The following ABLIM2 variants were observed in gnomAD, a reference collection of about 807,000 sequenced individuals.
ABLIM2 encodes actin binding LIM protein family member 2.
In ABLIM2, 53 loss-of-function variants were observed where a neutral mutation model predicts 97.7. That is an observed-to-expected ratio of 0.54 (90% CI 0.44 to 0.68). ABLIM2 has a LOEUF of 0.68. Ranked by LOEUF, ABLIM2 falls within the 30% of genes least tolerant of loss-of-function variation. The pLI, the probability that ABLIM2 is intolerant of heterozygous loss-of-function variation, is 0.00. For missense variants in ABLIM2, 835 were observed against 867.2 expected (o/e 0.96, Z 0.47); for synonymous variants, 361 against 345.8 (o/e 1.04, Z -0.49).
intron 6 of ABLIM2, among the ~76,000 whole-genome samples, chr4:8,064,001 A>G (rs918389567): frequency 3.9e-5 from 6 of 152,282 alleles, no homozygotes; most frequent in Non-Finnish European, 8.8e-5. Flanking sequence ...TTATCTAAGA[A>G]AGTTTAAATG....
In ABLIM2 at chr4:8,077,609, C is replaced by A. The variant is rs767646873; in HGVS notation, c.675+19G>T. 5 of 1,589,002 alleles carry A rather than the reference C, an allele frequency of 3.1e-6. No homozygotes were observed. In the South Asian group the frequency reaches 5.7e-5, roughly 18 times the overall value. ...GGCCCTAGCTCAGAGCGGGCAGGGG[C>A]CCGGCCCGCCGCGCTTACCTCCAGC... On this transcript the variant is annotated intron_variant, in intron 6 of 20. Coordinates refer to ENST00000447017, the MANE Select transcript of ABLIM2 (RefSeq NM_001130083.2).
intron 7 of ABLIM2, among the ~76,000 whole-genome samples, chr4:8,056,374 C>T (rs1799176623): frequency 6.8e-6 from 1 of 147,656 alleles, no homozygotes; most frequent in African/African-American, 2.5e-5. Flanking sequence ...AAATATAGCT[C>T]ACTGCAGCCC....
intron 1 of ABLIM2, among the ~76,000 whole-genome samples, chr4:8,157,605 C>T (rs1298489123): frequency 1.3e-5 from 2 of 152,246 alleles, no homozygotes; most frequent in Non-Finnish European, 2.9e-5. Flanking sequence ...TCTAGGCCTA[C>T]AGCCCACAGG....
In ABLIM2 at chr4:8,125,318, GTTC is replaced by G. The variant is rs1272917636; in HGVS notation, c.11-18684_11-18682del. On this transcript the variant is annotated intron_variant, in intron 1 of 20. Coordinates refer to ENST00000447017, the MANE Select transcript of ABLIM2 (RefSeq NM_001130083.2). The surrounding 1 kb of genome is among the most constrained non-coding windows in gnomAD (Gnocchi z 6.2). Reference sequence around the variant, plus strand: ...CCGTCATGAAGATGCGCTTCTGAGTGTTCTTCTAAGAGATTTACGGGTTTTTTG... The same window carrying G: ...CCGTCATGAAGATGCGCTTCTGAGTGTTCTAAGAGATTTACGGGTTTTTTG... Among the ~76,000 whole-genome samples, 4 of 152,184 alleles carry G rather than the reference GTTC, an allele frequency of 2.6e-5. No homozygotes were observed. Among genetic ancestry groups the G allele is most frequent in the South Asian group, 2.1e-4 (1 of 4,830 alleles).
intron 10 of ABLIM2, among the ~76,000 whole-genome samples, chr4:8,034,299 A>T (rs1378117111): frequency 7.1e-6 from 1 of 141,642 alleles, no homozygotes; most frequent in African/African-American, 2.7e-5. Context: ...AGATGGGTGT[A>T]GGTAGGTACA....
rs754503414 is a variant in ABLIM2, at chr4:7,966,954, C to T, written c.*36G>A. 23 of 1,540,804 alleles carry T rather than the reference C, an allele frequency of 1.5e-5. No homozygotes were observed. The African/African-American group carries it at 1.5e-4, about 10-fold the overall frequency. On this transcript the variant is annotated 3_prime_UTR_variant, in exon 21 of 21. Coordinates refer to ENST00000447017, the MANE Select transcript of ABLIM2 (RefSeq NM_001130083.2). ...TCTCGCCAGGGGCCCCTGGCCTCGG[C>T]GCCCGGCACACACCAGTGGGGCAGG... is the stretch of plus-strand genomic sequence containing the variant.
chr4:8,060,836 G>T, intron 7 of ABLIM2, 131 bp downstream of exon 7: 2 of 748,390 alleles, frequency 2.7e-6, no homozygotes, highest in Non-Finnish European at 4.3e-6. Context: ...CCGGCTCCCC[G>T]CTGTGGCTGG....
rs1723165236 is a variant in ABLIM2, at chr4:7,966,786, T to C, written c.*204A>G. ...CAAGCCACAGCGGGGAAGGGTGGCG[T>C]GAAGCTAGCCGTCTCGGCCCTAAAC... is the stretch of plus-strand genomic sequence containing the variant. On this transcript the variant is annotated 3_prime_UTR_variant, in exon 21 of 21. Transcript: ENST00000447017. 3 of 563,258 alleles carry C rather than the reference T, an allele frequency of 5.3e-6. No individual in the cohort carries two copies. In the South Asian group the frequency reaches 7.1e-5, roughly 13 times the overall value. The allele number at this position is 563,258 out of a possible 1,614,324, so 34.9% of individuals were successfully genotyped here.
At chr4:8,094,968 TTCCC>T (rs1195435191) in intron 3 of ABLIM2, among the ~76,000 whole-genome samples, 1 of 109,718 alleles carries the variant, frequency 9.1e-6, no homozygotes, top group African/African-American at 3.4e-5. Flanking sequence ...CCCTCCCTCC[TTCCC>T]TCCCTTTCTT....
chr4:7,982,951 C>T (rs1739987399), intron 20 of ABLIM2, among the ~76,000 whole-genome samples: 1 of 152,238 alleles, frequency 6.6e-6, no homozygotes, highest in African/African-American at 2.4e-5. Flanking sequence ...GAACTGCCTG[C>T]TTCAGCCTCC....
At chr4:8,106,093 G>A (rs534380199) in intron 2 of ABLIM2, among the ~76,000 whole-genome samples, 6 of 152,312 alleles carry the variant, frequency 3.9e-5, no homozygotes, top group East Asian at 3.9e-4. Context: ...GGGTCCCCGC[G>A]TGCCTGGGAT....
chr4:7,976,986 T>A (rs1733994405), intron 20 of ABLIM2, among the ~76,000 whole-genome samples: 1 of 152,130 alleles, frequency 6.6e-6, no homozygotes, highest in Non-Finnish European at 1.5e-5. Flanking sequence ...CACACACTGA[T>A]ATGGTTTGGC....
intron 1 of ABLIM2, among the ~76,000 whole-genome samples, chr4:8,158,004 C>T (rs1209494746): frequency 6.6e-6 from 1 of 152,232 alleles, no homozygotes; most frequent in African/African-American, 2.4e-5. Flanking sequence ...GCACAAGGCG[C>T]GGCTGGGCTC....
intron 1 of ABLIM2, among the ~76,000 whole-genome samples, chr4:8,142,118 T>C (rs947481725): frequency 1.1e-4 from 16 of 152,214 alleles, no homozygotes; most frequent in Non-Finnish European, 1.9e-4. Context: ...CCATGGGAGA[T>C]AGAGGGTTCT....
chr4:8,020,173 G>A lies in ABLIM2; in HGVS notation c.1369+29C>T, dbSNP rs181083142. 4.3e-4 allele frequency: 680 copies of A among 1,598,328 alleles called. 3 individuals carry two copies. The African/African-American group carries it at 8.1e-3, about 19-fold the overall frequency. On this transcript the variant is annotated intron_variant, in intron 13 of 20. Transcript: ENST00000447017. ...TCGGTGTGGACAGTTTCAGTGTAAG[G>A]AGCCCAGCCAGCGTGTCCCGGAGCC...
chr4:7,971,333 A>C (rs1462448301), intron 20 of ABLIM2, among the ~76,000 whole-genome samples: 7 of 152,086 alleles, frequency 4.6e-5, no homozygotes, highest in African/African-American at 1.4e-4. Flanking sequence ...GCAGGAGTGC[A>C]CCTCACCCCC....
At chr4:8,077,806 G>T (rs1817242373) in intron 5 of ABLIM2, 85 bp from the exon 6 acceptor site, 2 of 1,221,012 alleles carry the variant, frequency 1.6e-6, no homozygotes, top group Admixed American at 2.1e-5. Context: ...AAGAGAGTCT[G>T]CCCTCAAAGT....
chr4:8,132,242 C>T lies in ABLIM2; in HGVS notation c.11-25605G>A, dbSNP rs1431132100. 6.6e-6 allele frequency among the ~76,000 whole-genome samples: 1 copy of T among 152,174 alleles called. No homozygotes were observed. Among genetic ancestry groups the T allele is most frequent in the Admixed American group, 6.5e-5 (1 of 15,290 alleles). ...CTGCACAGAACCCCTCACTCCCTGA[C>T]AGCCCAGCGCTGTGGCTGCCACCCA... On this transcript the variant is annotated intron_variant, in intron 1 of 20. Coordinates refer to ENST00000447017, the MANE Select transcript of ABLIM2 (RefSeq NM_001130083.2). This position sits in a 1 kb window ranked among gnomAD's most constrained non-coding sequence, Gnocchi z 8.0.
At chr4:7,985,842 G>A (rs1046282121) in intron 17 of ABLIM2, among the ~76,000 whole-genome samples, 1 of 152,206 alleles carries the variant, frequency 6.6e-6, no homozygotes, top group Non-Finnish European at 1.5e-5. Flanking sequence ...TTTCCCTTCT[G>A]TCCACCTGGA....
Sources: allele counts gnomAD v4.1 joint callset (sites outside exome capture counted in the v4.1 genomes callset), GRCh38; gene constraint gnomAD v4.1.1; non-coding constraint Gnocchi (gnomAD v3.1); transcripts MANE v1.5; gene names NCBI Gene and HGNC (gene_info 2026-07-23, HGNC 2026-07-21).